Variants in SLC26A3 observed in about 807,000 individuals in gnomAD.
SLC26A3 encodes the protein chloride anion exchanger.
A neutral mutation model predicts 85.6 loss-of-function variants in SLC26A3; 64 were observed. That is an observed-to-expected ratio of 0.75 (90% CI 0.61 to 0.92). The LOEUF is 0.92. Among genes scored for constraint, SLC26A3 ranks in the 40% least tolerant of loss-of-function variants. The pLI is 0.00. For synonymous variants in SLC26A3, 349 were observed against 336.0 expected (o/e 1.04, Z -0.42); for missense variants, 922 against 927.3 (o/e 0.99, Z 0.07).
chr7:107,790,971 G>A (rs112547008), intron 5 of SLC26A3, 77 bp downstream of exon 5: 106 of 1,461,758 alleles, frequency 7.3e-5, no homozygotes, highest in African/African-American at 4.0e-4. Context: ...AGTGGCAGGG[G>A]GGAGGAAAAA....
In SLC26A3 at chr7:107,770,005, TC is replaced by T. The variant is rs1184599376; in HGVS notation, c.2062+2048del. Among the ~76,000 whole-genome samples, 128 of 31,802 alleles carry T rather than the reference TC, an allele frequency of 4.0e-3. 1 individual carries two copies. The highest frequency in any genetic ancestry group is 0.039 in the African/African-American group (119 of 3,064). The allele number at this position is 31,802 out of a possible 152,430, so 20.9% of individuals were successfully genotyped here. On this transcript the variant is annotated intron_variant, in intron 18 of 20. Transcript: ENST00000340010. ...CCTTCCTTCCTTCCTTTTTTCTCTT[TC>T]TTTCTTTCTTTCTTTCTTTCTTTCT... is the stretch of plus-strand genomic sequence containing the variant.
intron 20 of SLC26A3, among the ~76,000 whole-genome samples, chr7:107,766,879 C>CT (rs530938974): frequency 0.023 from 3,162 of 140,162 alleles, 77 homozygotes; most frequent in African/African-American, 0.071. Context: ...AGCCTGTTTC[C>CT]TTTTTTTTTT....
In SLC26A3 at chr7:107,793,842, C is replaced by G; in HGVS notation, c.171G>C (p.Leu57Phe). 1 of 1,614,082 alleles carries G rather than the reference C, an allele frequency of 6.2e-7. No individual in the cohort carries two copies. The highest frequency in any genetic ancestry group is 8.5e-7 in the Non-Finnish European group (1 of 1,179,996). Residue 57 changes from leucine to phenylalanine, a missense_variant, in exon 3 of 21, where the codon TTG becomes TTC. By Grantham distance (22) the Leu-to-Phe change is conservative (BLOSUM62 0). Transcript: ENST00000340010. Reference sequence around the variant, plus strand: ...CTGGCAACCAAGATGCTATGGGGAACAAAGAGAGGACAATTCTCTTGGCCT... The same window carrying G: ...CTGGCAACCAAGATGCTATGGGGAAGAAAGAGAGGACAATTCTCTTGGCCT... ...PQKAKRIVLSLFPIASWLPAY... is the reference protein window; with the variant it reads ...PQKAKRIVLSFFPIASWLPAY...
intron 5 of SLC26A3, among the ~76,000 whole-genome samples, chr7:107,790,298 C>T (rs1794371344): frequency 6.6e-6 from 1 of 152,204 alleles, no homozygotes; most frequent in Admixed American, 6.5e-5. Context: ...CTGCTCACAT[C>T]TCCAGAACGC....
At chr7:107,777,004 A>G (rs1794128209) in intron 13 of SLC26A3, among the ~76,000 whole-genome samples, 2 of 152,234 alleles carry the variant, frequency 1.3e-5, no homozygotes, top group South Asian at 4.1e-4. Flanking sequence ...TAAGGTGGAT[A>G]TGATTACCCA....
chr7:107,776,643 A>T lies in SLC26A3; in HGVS notation c.1578T>A (p.Tyr526Ter). ...AAACATGAATCTCCCTTACATCATAATAATCTTTTTTATTCTTATAGATGT... is the reference window on the plus strand; with the variant it reads ...AAACATGAATCTCCCTTACATCATATTAATCTTTTTTATTCTTATAGATGT... ...RTNIYKNKKD[Y>*]YDMYEPEGVK... Residue 526 changes from tyrosine (Y) to a stop codon, truncating the protein, a stop_gained, in exon 14 of 21, where the codon TAT (tyrosine) becomes TAA (stop). Coordinates refer to ENST00000340010, the MANE Select transcript of SLC26A3 (RefSeq NM_000111.3). LOFTEE classifies it high-confidence loss of function. 1 of 1,613,574 alleles carries T rather than the reference A, an allele frequency of 6.2e-7. No individual in the cohort carries two copies. Among genetic ancestry groups the T allele is most frequent in the Non-Finnish European group, 8.5e-7 (1 of 1,179,558 alleles).
At chr7:107,773,109 A>C (rs1361411217) in intron 17 of SLC26A3, among the ~76,000 whole-genome samples, 2 of 152,234 alleles carry the variant, frequency 1.3e-5, no homozygotes, top group Non-Finnish European at 2.9e-5. Flanking sequence ...AAGAAAACAC[A>C]CTGCAATCTG....
At chr7:107,779,846 G>T in intron 11 of SLC26A3, 83 bp from the exon 12 acceptor site, 1 of 1,195,376 alleles carries the variant, frequency 8.4e-7, no homozygotes. Flanking sequence ...ATAGATAAGT[G>T]TGTGCTTTAA....
Position 107,765,671 on chromosome 7 carries a change from C to T in SLC26A3, c.*184G>A. ...GCTACAAGATATAAAATTTAGAATA[C>T]TTATATAATTTCATACTAGATATGT... On this transcript the variant is annotated 3_prime_UTR_variant, in exon 21 of 21. Coordinates refer to ENST00000340010, the MANE Select transcript of SLC26A3 (RefSeq NM_000111.3). 1.9e-6 allele frequency: 1 copy of T among 534,956 alleles called. No homozygotes were observed. Among genetic ancestry groups the T allele is most frequent in the Non-Finnish European group, 3.3e-6 (1 of 299,936 alleles). 33.1% of individuals were successfully genotyped at this position (534,956 alleles called of 1,614,324 possible).
chr7:107,797,458 C>T (rs905442189), intron 1 of SLC26A3, among the ~76,000 whole-genome samples: 1 of 152,004 alleles, frequency 6.6e-6, no homozygotes, highest in Non-Finnish European at 1.5e-5. Context: ...CATGCCCCTG[C>T]ACTCCAGCCT....
At chr7:107,797,105 C>G (rs1419960743) in intron 1 of SLC26A3, among the ~76,000 whole-genome samples, 3 of 152,154 alleles carry the variant, frequency 2.0e-5, no homozygotes, top group Admixed American at 6.5e-5. Flanking sequence ...GGATCAAGAG[C>G]CTGAACTCTG....
intron 5 of SLC26A3, 135 bp from the exon 6 acceptor site, chr7:107,789,823 GT>G (rs1794362835): frequency 2.2e-6 from 2 of 914,740 alleles, no homozygotes; most frequent in East Asian, 5.3e-5. Context: ...AGAAGCAAAT[GT>G]CCCTGCCTCC....
At chr7:107,769,905 G>A (rs749523051) in intron 18 of SLC26A3, among the ~76,000 whole-genome samples, 3 of 151,916 alleles carry the variant, frequency 2.0e-5, no homozygotes, top group East Asian at 1.9e-4. Context: ...GCCTCACTTC[G>A]TTCTAGTCTG....
intron 20 of SLC26A3, among the ~76,000 whole-genome samples, chr7:107,767,070 A>G (rs541805398): frequency 1.3e-5 from 2 of 152,326 alleles, no homozygotes; most frequent in African/African-American, 4.8e-5. Flanking sequence ...AACATCTACA[A>G]TGAAATGGGA....
chr7:107,792,669 G>T (rs947705469), intron 3 of SLC26A3, among the ~76,000 whole-genome samples: 1 of 152,120 alleles, frequency 6.6e-6, no homozygotes, highest in African/African-American at 2.4e-5. Context: ...AACAGGCCAC[G>T]GACCTGTACT....
intron 20 of SLC26A3, 38 bp from the exon 21 acceptor site, chr7:107,765,916 G>A (rs753868858): frequency 1.5e-5 from 24 of 1,576,826 alleles, no homozygotes; most frequent in South Asian, 5.5e-5. Flanking sequence ...TAAAATACTC[G>A]TCAAGTTCTG....
At chr7:107,775,751 G>A (rs1166711306) in intron 15 of SLC26A3, among the ~76,000 whole-genome samples, 2 of 151,892 alleles carry the variant, frequency 1.3e-5, no homozygotes, top group Non-Finnish European at 2.9e-5. Flanking sequence ...AAAAAATATA[G>A]TTAGATGGAA....
chr7:107,785,887 CTT>C (rs1449009935), intron 8 of SLC26A3, among the ~76,000 whole-genome samples: 1 of 152,036 alleles, frequency 6.6e-6, no homozygotes, highest in Non-Finnish European at 1.5e-5. Context: ...GGAGAGAAGT[CTT>C]TTAAAAAAAC....
chr7:107,765,718 C>A lies in SLC26A3; in HGVS notation c.*137G>T, dbSNP rs1793901138. 1 of 660,142 alleles carries A rather than the reference C, an allele frequency of 1.5e-6. No individual in the cohort carries two copies. Among genetic ancestry groups the A allele is most frequent in the Non-Finnish European group, 2.7e-6 (1 of 367,528 alleles). The allele number at this position is 660,142 out of a possible 1,614,324, so 40.9% of individuals were successfully genotyped here. A position where few individuals can be genotyped will look rare whatever the true frequency, so the allele number is the denominator to read the frequency against. On this transcript the variant is annotated 3_prime_UTR_variant, in exon 21 of 21. Coordinates refer to ENST00000340010, the MANE Select transcript of SLC26A3 (RefSeq NM_000111.3). Reference sequence around the variant, plus strand: ...ATGTGAAAAATATGCCATGCTAGAACCATCTTGTTCCAAAGTTTGAAACAT... The same window carrying A: ...ATGTGAAAAATATGCCATGCTAGAAACATCTTGTTCCAAAGTTTGAAACAT...
Sources: gnomAD v4.1 joint callset for allele counts (sites outside exome capture counted in the v4.1 genomes callset) on GRCh38, gnomAD v4.1.1 for gene constraint, MANE v1.5 for transcripts, NCBI Gene and HGNC (gene_info 2026-07-23, HGNC 2026-07-21) for gene names.